The following CSMD1 variants were observed in gnomAD, a reference collection of about 807,000 sequenced individuals.
The protein encoded by CSMD1 is CUB and Sushi multiple domains 1.
In CSMD1, 213 loss-of-function variants were observed where a neutral mutation model predicts 417.5. The observed-to-expected ratio is 0.51, with a 90% CI of 0.46 to 0.57. CSMD1 has a LOEUF of 0.57. CSMD1 is among the 20% of genes least tolerant of loss of function. The pLI, the probability that CSMD1 is intolerant of heterozygous loss-of-function variation, is 0.00. For missense variants in CSMD1, 6,923 were observed against 4,529.7 expected (o/e 1.53, Z -15.17); for synonymous variants, 2,862 against 1,736.8 (o/e 1.65, Z -16.11).
At chr8:4,571,708 G>C (rs1041680800) in intron 2 of CSMD1, among the ~76,000 whole-genome samples, 1 of 152,150 alleles carries the variant, frequency 6.6e-6, no homozygotes, top group African/African-American at 2.4e-5. Context: ...TCTTTGATCT[G>C]TCTAGTATTG....
chr8:4,619,555 C>A (rs1054992828), intron 2 of CSMD1, among the ~76,000 whole-genome samples: 2 of 152,250 alleles, frequency 1.3e-5, no homozygotes, highest in African/African-American at 4.8e-5. Context: ...ATGCATCTTG[C>A]ATTAGTGTTT....
chr8:4,184,746 G>A (rs1218478533), intron 3 of CSMD1, among the ~76,000 whole-genome samples: 2 of 146,924 alleles, frequency 1.4e-5, no homozygotes, highest in African/African-American at 2.5e-5. Context: ...AATGGGTACT[G>A]GGCTTAATAC....
At chr8:3,098,888 A>T (rs565917645) in intron 46 of CSMD1, among the ~76,000 whole-genome samples, 86 of 146,750 alleles carry the variant, frequency 5.9e-4, no homozygotes, top group Non-Finnish European at 1.2e-3. Flanking sequence ...AATATACACA[A>T]TTTTTTTTTT....
At chr8:3,710,747 G>A (rs1801459362) in intron 6 of CSMD1, among the ~76,000 whole-genome samples, 1 of 152,114 alleles carries the variant, frequency 6.6e-6, no homozygotes, top group Admixed American at 6.5e-5. Context: ...CCTTCCAAAA[G>A]CCATCTGAGA....
intron 1 of CSMD1, among the ~76,000 whole-genome samples, chr8:4,927,286 G>C (rs534732256): frequency 1.3e-5 from 2 of 151,846 alleles, no homozygotes; most frequent in African/African-American, 2.4e-5. Context: ...TCGAACTCCC[G>C]TCCTCAAGCG....
intron 3 of CSMD1, among the ~76,000 whole-genome samples, chr8:4,377,764 A>G (rs545630828): frequency 6.6e-6 from 1 of 152,344 alleles, no homozygotes; most frequent in East Asian, 1.9e-4. Context: ...CTATCAGGAA[A>G]AAAGAATTTT....
chr8:3,942,276 G>A (rs560175823), intron 5 of CSMD1, among the ~76,000 whole-genome samples: 39 of 152,086 alleles, frequency 2.6e-4, no homozygotes, highest in East Asian at 9.7e-4. Flanking sequence ...AATGTAATGC[G>A]CTTGAATCAT....
intron 1 of CSMD1, among the ~76,000 whole-genome samples, chr8:4,928,080 G>C (rs745908353): frequency 2.6e-5 from 4 of 152,074 alleles, no homozygotes; most frequent in Non-Finnish European, 5.9e-5. Context: ...TGGCCTCTCT[G>C]AGCTCCATTC....
chr8:4,927,505 G>GAC (rs1806950108), intron 1 of CSMD1, among the ~76,000 whole-genome samples: 1 of 152,118 alleles, frequency 6.6e-6, no homozygotes, highest in Non-Finnish European at 1.5e-5. Flanking sequence ...GCTCTGCGAT[G>GAC]CCAGTCCTTT....
intron 4 of CSMD1, among the ~76,000 whole-genome samples, chr8:4,006,246 G>A (rs1319966393): frequency 6.6e-6 from 1 of 152,154 alleles, no homozygotes; most frequent in African/African-American, 2.4e-5. Flanking sequence ...GCAGGAGTAA[G>A]GATCATTCAC....
chr8:3,732,238 C>A (rs909861232), intron 6 of CSMD1, among the ~76,000 whole-genome samples: 1 of 152,076 alleles, frequency 6.6e-6, no homozygotes, highest in Non-Finnish European at 1.5e-5. Flanking sequence ...CCCGAGGCCA[C>A]CCTGCAGGGC....
Position 4,288,141 on chromosome 8 carries a change from T to A in CSMD1, c.415+131812A>T, listed in dbSNP as rs376117676. ...CTTTCTGTTCCTGCAGCATTAAAGT[T>A]TGACTGAGAAAAGAAAACACTAGAG... is the stretch of plus-strand genomic sequence containing the variant. On this transcript the variant is annotated intron_variant, in intron 3 of 69. Transcript: ENST00000635120. Among the ~76,000 whole-genome samples, 4 of 152,286 alleles carry A rather than the reference T, an allele frequency of 2.6e-5. No individual in the cohort carries two copies. In the East Asian group the frequency reaches 5.8e-4, roughly 22 times the overall value.
At chr8:4,696,639 T>A (rs1057035250) in intron 1 of CSMD1, among the ~76,000 whole-genome samples, 9 of 152,210 alleles carry the variant, frequency 5.9e-5, no homozygotes, top group African/African-American at 1.9e-4. Context: ...CATACTTTTT[T>A]CATTTATCTG....
At chr8:4,779,077 A>T (rs1312149853) in intron 1 of CSMD1, among the ~76,000 whole-genome samples, 2 of 152,316 alleles carry the variant, frequency 1.3e-5, no homozygotes, top group South Asian at 4.1e-4. Context: ...CAGAATCCTT[A>T]CGAGAGGCCG....
intron 2 of CSMD1, among the ~76,000 whole-genome samples, chr8:4,531,664 T>C (rs1018396562): frequency 3.3e-5 from 5 of 152,160 alleles, no homozygotes; most frequent in Non-Finnish European, 5.9e-5. Context: ...TGTGTGCTTA[T>C]CTAGTTTGTC....
At chr8:4,466,732 C>T (rs909750039) in intron 2 of CSMD1, among the ~76,000 whole-genome samples, 1 of 152,044 alleles carries the variant, frequency 6.6e-6, no homozygotes, top group African/African-American at 2.4e-5. Flanking sequence ...ACAACAAATA[C>T]ATATTTCCAA....
chr8:4,800,068 T>C (rs1429207891), intron 1 of CSMD1, among the ~76,000 whole-genome samples: 2 of 152,226 alleles, frequency 1.3e-5, no homozygotes, highest in Non-Finnish European at 2.9e-5. Flanking sequence ...ATTTGAATGA[T>C]ATAAAATTGA....
At chr8:4,083,391 T>C (rs112528159) in intron 3 of CSMD1, among the ~76,000 whole-genome samples, 2,166 of 152,264 alleles carry the variant, frequency 0.014, 65 homozygotes, top group African/African-American at 0.05. Flanking sequence ...TTTCATGTGT[T>C]TTTTGGCTGC....
intron 7 of CSMD1, among the ~76,000 whole-genome samples, chr8:3,675,451 C>T (rs937875036): frequency 1.6e-4 from 24 of 152,108 alleles, no homozygotes; most frequent in African/African-American, 5.3e-4. Flanking sequence ...ACCAAAAATC[C>T]AAGAGAAGGT....
Sources: allele counts gnomAD v4.1 joint callset (sites outside exome capture counted in the v4.1 genomes callset), GRCh38; gene constraint gnomAD v4.1.1; transcripts MANE v1.5; gene names NCBI Gene and HGNC (gene_info 2026-07-23, HGNC 2026-07-21).